Variants in SPIRE1 observed in about 807,000 individuals in gnomAD.
SPIRE1 encodes protein spire homolog 1.
A neutral mutation model predicts 94.1 loss-of-function variants in SPIRE1; 40 were observed. The observed-to-expected ratio is 0.43, with a 90% CI of 0.33 to 0.55. The LOEUF is 0.55. Among genes scored for constraint, SPIRE1 ranks in the 20% least tolerant of loss-of-function variants. The pLI, the probability that SPIRE1 is intolerant of heterozygous loss-of-function variation, is 0.06. For synonymous variants in SPIRE1, 376 were observed against 371.7 expected (o/e 1.01, Z -0.13); for missense variants, 838 against 975.2 (o/e 0.86, Z 1.87).
At chr18:12,596,883 T>C (rs1414118877) in intron 2 of SPIRE1, among the ~76,000 whole-genome samples, 1 of 146,104 alleles carries the variant, frequency 6.8e-6, no homozygotes, top group Non-Finnish European at 1.5e-5. Context: ...AGCCCTGCAC[T>C]GTCCTGCTAA....
chr18:12,579,478 G>C (rs1598491531), intron 2 of SPIRE1, among the ~76,000 whole-genome samples: 2 of 152,312 alleles, frequency 1.3e-5, no homozygotes, highest in Middle Eastern at 3.4e-3. Context: ...TTAGCAGCAG[G>C]AGAGCAGGAA....
chr18:12,559,500 G>A lies in SPIRE1; in HGVS notation c.373-12596C>T, dbSNP rs536309651. ...CACCTCCCTGCAAGCAGAGGGAGCC[G>A]GCTCCGGCTTTGGCCAGCCCAGAGA... is the stretch of plus-strand genomic sequence containing the variant. On this transcript the variant is annotated intron_variant, in intron 2 of 16. Coordinates refer to ENST00000409402, the MANE Select transcript of SPIRE1 (RefSeq NM_001128626.2). The surrounding 1 kb of genome is among the most constrained non-coding windows in gnomAD (Gnocchi z 4.7). Among the ~76,000 whole-genome samples, 2 of 152,182 alleles carry A rather than the reference G, an allele frequency of 1.3e-5. No individual in the cohort carries two copies. Among genetic ancestry groups the A allele is most frequent in the Admixed American group, 6.5e-5 (1 of 15,276 alleles).
chr18:12,483,938 T>C (rs1416962598), intron 9 of SPIRE1, among the ~76,000 whole-genome samples: 4 of 152,134 alleles, frequency 2.6e-5, no homozygotes, highest in South Asian at 2.1e-4. Flanking sequence ...ACGAAGTACA[T>C]GAAGACATGA....
chr18:12,648,922 A>G (rs2038300134), intron 1 of SPIRE1, among the ~76,000 whole-genome samples: 1 of 150,430 alleles, frequency 6.6e-6, no homozygotes, highest in African/African-American at 2.4e-5. Flanking sequence ...GAAAAAGGAC[A>G]TTAATAGAAA....
intron 3 of SPIRE1, 39 bp from the exon 4 acceptor site, chr18:12,535,640 T>C: frequency 3.8e-6 from 6 of 1,585,490 alleles, no homozygotes; most frequent in Non-Finnish European, 4.3e-6. Context: ...GCTTGGTTAC[T>C]ATTTGGGTTT....
intron 2 of SPIRE1, among the ~76,000 whole-genome samples, chr18:12,615,099 C>A (rs902399883): frequency 9.9e-5 from 15 of 150,922 alleles, no homozygotes; most frequent in Middle Eastern, 3.4e-3. Context: ...CTGAGGCATG[C>A]GGATCACCTG....
intron 3 of SPIRE1, among the ~76,000 whole-genome samples, chr18:12,536,596 C>T (rs922189375): frequency 2.6e-5 from 4 of 152,058 alleles, no homozygotes; most frequent in Non-Finnish European, 5.9e-5. Flanking sequence ...GGAAAGAGGG[C>T]AGAGGGCAAT....
chr18:12,523,944 G>A (rs2034432295), intron 4 of SPIRE1, among the ~76,000 whole-genome samples: 1 of 152,110 alleles, frequency 6.6e-6, no homozygotes, highest in Non-Finnish European at 1.5e-5. Flanking sequence ...TTTAATTAAA[G>A]TATGTATTTT....
At chr18:12,568,480 C>G (rs901792769) in intron 2 of SPIRE1, among the ~76,000 whole-genome samples, 2 of 152,190 alleles carry the variant, frequency 1.3e-5, no homozygotes, top group African/African-American at 4.8e-5. Flanking sequence ...TCCTCTTGCT[C>G]TAAAGAATCT....
chr18:12,586,713 C>T (rs936473364), intron 2 of SPIRE1, among the ~76,000 whole-genome samples: 9 of 152,150 alleles, frequency 5.9e-5, no homozygotes, highest in Non-Finnish European at 5.9e-5. Context: ...TCATTTTCTA[C>T]TAGTAAAACT....
intron 3 of SPIRE1, among the ~76,000 whole-genome samples, chr18:12,536,117 C>G (rs2034834115): frequency 6.6e-6 from 1 of 152,066 alleles, no homozygotes; most frequent in Non-Finnish European, 1.5e-5. Context: ...AACAGAGACC[C>G]AACAGCACAG....
intron 2 of SPIRE1, among the ~76,000 whole-genome samples, chr18:12,549,439 G>GTTT (rs869122444): frequency 0.018 from 755 of 41,222 alleles, 73 homozygotes; most frequent in Non-Finnish European, 0.021. Context: ...TGTTATTGTT[G>GTTT]TTTTTTTTTT....
chr18:12,648,954 G>A (rs2038301052), intron 1 of SPIRE1, among the ~76,000 whole-genome samples: 1 of 145,616 alleles, frequency 6.9e-6, no homozygotes, highest in Non-Finnish European at 1.5e-5. Flanking sequence ...CCCAAATGAA[G>A]TCTGGAGTTT....
At chr18:12,526,159 C>T (rs2034520266) in intron 4 of SPIRE1, among the ~76,000 whole-genome samples, 1 of 150,792 alleles carries the variant, frequency 6.6e-6, no homozygotes, top group East Asian at 1.9e-4. Context: ...ATAGACTCTT[C>T]TGGTGCATCT....
rs141660095 is a variant in SPIRE1 at position 12,527,868 on chromosome 18, C to A, written c.729+7608G>T. ...GATCACGAGGTCAGGAGATGGAGACCATCCTGGCTAACACGGTGAAACCCC... is the reference window on the plus strand; with the variant it reads ...GATCACGAGGTCAGGAGATGGAGACAATCCTGGCTAACACGGTGAAACCCC... On this transcript the variant is annotated intron_variant, in intron 4 of 16. Transcript: ENST00000409402. Among the ~76,000 whole-genome samples the A allele has an allele frequency of 9.8e-3, 1,486 of 152,180 alleles. 32 individuals are homozygous for A. The highest frequency in any genetic ancestry group is 0.033 in the African/African-American group (1,374 of 41,512).
chr18:12,658,514 C>T (rs1411297017), upstream of SPIRE1: 4 of 461,404 alleles, frequency 8.7e-6, no homozygotes, highest in African/African-American at 8.0e-5. Context: ...GAACTGGGCG[C>T]GCCAACCCGG....
intron 5 of SPIRE1, among the ~76,000 whole-genome samples, chr18:12,507,286 T>C (rs1262493261): frequency 6.6e-6 from 1 of 152,224 alleles, no homozygotes; most frequent in African/African-American, 2.4e-5. Flanking sequence ...TGCCAGCTAT[T>C]TGACACGGAG....
intron 1 of SPIRE1, among the ~76,000 whole-genome samples, chr18:12,643,457 C>T (rs1264563680): frequency 6.6e-6 from 1 of 152,230 alleles, no homozygotes; most frequent in Admixed American, 6.5e-5. Flanking sequence ...GCATTTCATA[C>T]ACACATCTGT....
In SPIRE1 at chr18:12,447,455, G is replaced by A. The variant is rs2030993225; in HGVS notation, c.*2183C>T. On this transcript the variant is annotated 3_prime_UTR_variant, in exon 17 of 17. Transcript: ENST00000409402. Reference sequence around the variant, plus strand: ...TGGTAGAAAGGGGGGTTAAATGTAAGACTTTGTTTTGGCAACAAAAAATGA... The same window carrying A: ...TGGTAGAAAGGGGGGTTAAATGTAAAACTTTGTTTTGGCAACAAAAAATGA... The A allele has an allele frequency of 6.6e-6, 1 of 152,190 alleles. No individual in the cohort carries two copies. Among genetic ancestry groups the A allele is most frequent in the Non-Finnish European group, 1.5e-5 (1 of 68,058 alleles). 9.4% of individuals were successfully genotyped at this position (152,190 alleles called of 1,614,324 possible). A position where few individuals can be genotyped will look rare whatever the true frequency, so the allele number is the denominator to read the frequency against.
Sources: gnomAD v4.1 joint callset for allele counts (sites outside exome capture counted in the v4.1 genomes callset) on GRCh38, gnomAD v4.1.1 for gene constraint, Gnocchi (gnomAD v3.1) non-coding constraint, MANE v1.5 for transcripts, NCBI Gene and HGNC (gene_info 2026-07-23, HGNC 2026-07-21) for gene names.